Variants in STK11 observed in about 807,000 individuals in gnomAD.
STK11 encodes serine/threonine-protein kinase STK11.
A neutral mutation model predicts 47.3 loss-of-function variants in STK11; 8 were observed. The ratio of observed to expected loss-of-function variants is 0.17; its 90% CI spans 0.10 to 0.31. STK11 has a LOEUF of 0.31. STK11 is among the 10% of genes least tolerant of loss of function. STK11 has a pLI of 1.00. For missense variants in STK11, 475 were observed against 605.0 expected, an observed-to-expected ratio of 0.79 and a Z score of 2.25; for synonymous variants, 330 against 255.8, an observed-to-expected ratio of 1.29 and a Z score of -2.77.
intron 8 of STK11, 123 bp downstream of exon 8, chr19:1,223,295 C>T (rs2080799234): frequency 8.3e-7 from 1 of 1,208,030 alleles, no homozygotes; most frequent in African/African-American, 1.5e-5. Flanking sequence ...TCCCACGTCC[C>T]CAAAGCCTCC....
chr19:1,221,419 TG>T (rs973977255), intron 6 of STK11, 79 bp downstream of exon 6: 5 of 1,476,450 alleles, frequency 3.4e-6, no homozygotes, highest in Admixed American at 2.2e-5. Flanking sequence ...GGGTGTCAGG[TG>T]GGGGGCTATT....
intron 1 of STK11, among the ~76,000 whole-genome samples, chr19:1,211,813 T>G (rs1172138796): frequency 3.9e-5 from 6 of 152,220 alleles, no homozygotes; most frequent in Non-Finnish European, 5.9e-5. Flanking sequence ...TGTGCCTGGT[T>G]GCGGCGATGA....
Position 1,223,162 on chromosome 19 carries a change from C to T in STK11, c.1098C>T (p.Phe366=), listed in dbSNP as rs2080798043. ...IEDDIIYTQD[F]TVPGQVPEEE... Reference sequence around the variant, plus strand: ...ATGACATCATCTACACTCAGGACTTCACGGTGCCCGGTGAGTCTGGCGGGG... The same window carrying T: ...ATGACATCATCTACACTCAGGACTTTACGGTGCCCGGTGAGTCTGGCGGGG... The change falls in exon 8 of 10, where the codon TTC becomes TTT. Residue 366 remains phenylalanine, a synonymous_variant. Coordinates refer to ENST00000326873, the MANE Select transcript of STK11 (RefSeq NM_000455.5). 1 of 1,611,196 alleles carries T rather than the reference C, an allele frequency of 6.2e-7. No homozygotes were observed. Among genetic ancestry groups the T allele is most frequent in the Non-Finnish European group, 8.5e-7 (1 of 1,179,330 alleles).
intron 1 of STK11, among the ~76,000 whole-genome samples, chr19:1,212,536 G>A (rs1279943672): frequency 6.6e-6 from 1 of 152,042 alleles, no homozygotes; most frequent in Non-Finnish European, 1.5e-5. Context: ...ACAGGTATGA[G>A]CCACTGCTTC....
intron 7 of STK11, 21 bp downstream of exon 7, chr19:1,222,027 G>A (rs1185027067): frequency 1.9e-6 from 3 of 1,560,454 alleles, no homozygotes; most frequent in African/African-American, 2.7e-5. Context: ...CCTGGGGGCA[G>A]TGGGGCCGAG....
In STK11 at chr19:1,220,706, T is replaced by C. The variant is rs533550278; in HGVS notation, c.723T>C (p.Ala241=). 4.7e-5 allele frequency: 75 copies of C among 1,609,454 alleles called. No homozygotes were observed. In the East Asian group the frequency reaches 1.6e-3, roughly 34 times the overall value. ...FSGFKVDIWS[A]GVTLYNITTG... ...GCTTCAAGGTGGACATCTGGTCGGC[T>C]GGGGTCACCCTGTAAGTGCCCCGCC... Residue 241 remains alanine, a synonymous_variant, in exon 5 of 10, where the codon GCT becomes GCC. Coordinates refer to ENST00000326873, the MANE Select transcript of STK11 (RefSeq NM_000455.5).
At chr19:1,225,408 T>C (rs1426574877) in intron 8 of STK11, 21 of 797,292 alleles carry the variant, frequency 2.6e-5, no homozygotes, top group Non-Finnish European at 3.2e-5. Context: ...TAGCTGGGAT[T>C]ACAAGTGCGC....
At chr19:1,226,291 TG>T in intron 8 of STK11, 162 bp from the exon 9 acceptor site, 3 of 1,447,764 alleles carry the variant, frequency 2.1e-6, no homozygotes, top group Non-Finnish European at 9.1e-7. Flanking sequence ...CCAGAGCTGC[TG>T]GGGGGCAGCA....
rs1181445340 is a variant in STK11 at position 1,223,020 on chromosome 19, C to A, written c.956C>A (p.Pro319Gln). ...AAGAAACATCCTCCGGCTGAAGCACCAGTGCCCATCCCACCGAGCCCAGAC... is the reference window on the plus strand; with the variant it reads ...AAGAAACATCCTCCGGCTGAAGCACAAGTGCCCATCCCACCGAGCCCAGAC... ...FRKKHPPAEA[P>Q]VPIPPSPDTK... The change falls in exon 8 of 10, where the codon CCA becomes CAA. Residue 319 changes from proline to glutamine, a missense_variant. Physicochemically the swap from Pro to Gln is moderately conservative, Grantham distance 76. Around this residue, in one of 5 missense-constraint regions of STK11, gnomAD observed 219 missense variants for 189.2 expected, o/e 1.16. Coordinates refer to ENST00000326873, the MANE Select transcript of STK11 (RefSeq NM_000455.5). 1 of 1,584,474 alleles carries A rather than the reference C, an allele frequency of 6.3e-7. No homozygotes were observed. The highest frequency in any genetic ancestry group is 1.1e-5 in the South Asian group (1 of 87,106).
At chr19:1,218,368 T>C in intron 1 of STK11, 49 bp from the exon 2 acceptor site, 1 of 1,507,274 alleles carries the variant, frequency 6.6e-7, no homozygotes, top group Non-Finnish European at 9.2e-7. Context: ...ATCCAGGCCA[T>C]CATCCTGACG....
At chr19:1,221,654 G>T (rs112215794) in intron 6 of STK11, 21 of 585,376 alleles carry the variant, frequency 3.6e-5, no homozygotes, top group Non-Finnish European at 5.4e-5. Context: ...CACTTCCTAC[G>T]CATGGCAGCA....
chr19:1,226,692 A>G (rs1814968932), intron 9 of STK11, 29 bp downstream of exon 9: 2 of 1,465,240 alleles, frequency 1.4e-6, no homozygotes, highest in East Asian at 2.5e-5. Flanking sequence ...CGGGTGGGGC[A>G]TGTGGGGACA....
intron 3 of STK11, 75 bp from the exon 4 acceptor site, chr19:1,220,298 C>T: frequency 6.5e-7 from 1 of 1,532,738 alleles, no homozygotes; most frequent in Non-Finnish European, 8.8e-7. Context: ...TGGGAGGCTC[C>T]CAGGCAGCTG....
chr19:1,206,689 G>A lies in STK11; in HGVS notation c.-225G>A, dbSNP rs2080667548. 2 of 602,528 alleles carry A rather than the reference G, an allele frequency of 3.3e-6. No homozygotes were observed. The highest frequency in any genetic ancestry group is 2.7e-6 in the Non-Finnish European group (1 of 363,974). The allele number at this position is 602,528 out of a possible 1,614,324, so 37.3% of individuals were successfully genotyped here. ...CCGTCCCGGACCCCCGGTGCCCGCC[G>A]GTCCGCAGACCCTGCACCGGGCTTG... On this transcript the variant is annotated 5_prime_UTR_variant, in exon 1 of 10. Coordinates refer to ENST00000326873, the MANE Select transcript of STK11 (RefSeq NM_000455.5).
At chr19:1,221,705 G>A (rs1415475399) in intron 6 of STK11, 4 of 600,096 alleles carry the variant, frequency 6.7e-6, no homozygotes, top group Non-Finnish European at 1.2e-5. Flanking sequence ...GTGGCCTTGG[G>A]AGAACGGAAC....
chr19:1,225,563 C>T (rs1599931316), intron 8 of STK11: 2 of 985,500 alleles, frequency 2.0e-6, no homozygotes, highest in Admixed American at 6.1e-5. Flanking sequence ...GCCACCGCGA[C>T]CGGCCCAAGG....
intron 2 of STK11, 70 bp downstream of exon 2, chr19:1,218,570 G>A (rs528252153): frequency 1.0e-4 from 137 of 1,323,572 alleles, no homozygotes; most frequent in Non-Finnish European, 1.4e-4. Context: ...CGCCTGCCTC[G>A]AGGCCTGCTC....
At position 1,221,987 on chromosome 19, in the gene STK11, C is replaced by T. The variant is rs587780012; in HGVS notation, c.901C>T (p.Arg301Trp). The change falls in exon 7 of 10, where the codon CGG (arginine) becomes TGG (tryptophan). Residue 301 changes from arginine (R) to tryptophan (W), a missense_variant. Arg to Trp is a moderately radical substitution (Grantham distance 101). Coordinates refer to ENST00000326873, the MANE Select transcript of STK11 (RefSeq NM_000455.5). ...CGAACCGGCCAAGAGGTTCTCCATC[C>T]GGCAGATCCGGCAGCACAGGTGAGC... ...EYEPAKRFSI[R>W]QIRQHSWFRK... 9 of 1,569,640 alleles carry T rather than the reference C, an allele frequency of 5.7e-6. No homozygotes were observed. Among genetic ancestry groups the T allele is most frequent in the South Asian group, 4.7e-5 (4 of 85,414 alleles).
chr19:1,211,779 A>T lies in STK11; in HGVS notation c.290+4576A>T, dbSNP rs74176368. Among the ~76,000 whole-genome samples the T allele has an allele frequency of 2.9e-3, 435 of 152,276 alleles. 1 individual carries two copies. Among genetic ancestry groups the T allele is most frequent in the Admixed American group, 4.0e-3 (61 of 15,286 alleles). ...ACCGCCCCCGCGGTGTCCAGCCAGG[A>T]GGTGGGAGGTGGGCGGCACTCAGTG... is the stretch of plus-strand genomic sequence containing the variant. On this transcript the variant is annotated intron_variant, in intron 1 of 9. Transcript: ENST00000326873.
Sources: gnomAD v4.1 joint callset for allele counts (sites outside exome capture counted in the v4.1 genomes callset) on GRCh38, gnomAD v4.1.1 for gene constraint, gnomAD v4.1.1 regional missense constraint, MANE v1.5 for transcripts, NCBI Gene and HGNC (gene_info 2026-07-23, HGNC 2026-07-21) for gene names.